Variants in CDKN3 observed in about 807,000 individuals in gnomAD.
CDKN3 encodes cyclin dependent kinase inhibitor 3.
Under a neutral mutation model 36.1 loss-of-function variants are expected in CDKN3, and 19 were observed. The observed-to-expected ratio is 0.53, with a 90% confidence interval of 0.37 to 0.77. The LOEUF is 0.77. Among genes scored for constraint, CDKN3 ranks in the 30% least tolerant of loss-of-function variants. The probability of loss-of-function intolerance (pLI) is 0.00; values close to 1 mark genes in which losing one functional copy is unlikely to be tolerated. For synonymous variants in CDKN3, 71 were observed against 85.3 expected (o/e 0.83, Z 0.92); for missense variants, 188 against 248.6 (o/e 0.76, Z 1.64).
intron 3 of CDKN3, among the ~76,000 whole-genome samples, chr14:54,402,363 T>TA (rs2029988586): frequency 5.3e-5 from 8 of 152,092 alleles, no homozygotes; most frequent in Admixed American, 3.9e-4. Flanking sequence ...TCTTTTTTTA[T>TA]TATACTTTAC....
At chr14:54,401,375 A>C (rs2029934307) in intron 2 of CDKN3, 149 bp from the exon 3 acceptor site, 1 of 558,222 alleles carries the variant, frequency 1.8e-6, no homozygotes, top group Non-Finnish European at 3.2e-6. Context: ...CAACATATTG[A>C]TACTTAACTG....
At chr14:54,408,648 T>G in intron 3 of CDKN3, 97 bp from the exon 4 acceptor site, 2 of 1,250,148 alleles carry the variant, frequency 1.6e-6, no homozygotes, top group Non-Finnish European at 2.2e-6. Flanking sequence ...AATGATTACG[T>G]GAAATGACTT....
rs1162007262 is a variant in CDKN3, at chr14:54,397,020, CG to C, written c.-47del. ...CTCGGCCGGGGCACCGGTGAGTCGC[CG>C]GCGCTGCAGAGGGAGGCGGCACTGG... On this transcript the variant is annotated 5_prime_UTR_variant, in exon 1 of 8. Transcript: ENST00000335183. 3 of 1,449,942 alleles carry C rather than the reference CG, an allele frequency of 2.1e-6. No individual in the cohort carries two copies. The African/African-American group carries it at 4.4e-5, about 21-fold the overall frequency. The allele number at this position is 1,449,942 out of a possible 1,614,324, so 89.8% of individuals were successfully genotyped here.
In CDKN3 at chr14:54,408,795, T is replaced by C; in HGVS notation, c.193+6T>C. On this transcript the variant is annotated splice_donor_region_variant and intron_variant, in intron 4 of 7. Transcript: ENST00000335183. ...AAATGTCCAAAAAGATACAGGTAGG[T>C]ATAATATCACGCAACCACACTCATG... The C allele has an allele frequency of 6.4e-7, 1 of 1,573,826 alleles. No homozygotes were observed. Among genetic ancestry groups the C allele is most frequent in the Non-Finnish European group, 8.6e-7 (1 of 1,165,712 alleles).
chr14:54,401,564 T>C lies in CDKN3; in HGVS notation c.133T>C (p.Leu45=). The C allele has an allele frequency of 6.2e-7, 1 of 1,609,408 alleles. No individual in the cohort carries two copies. Among genetic ancestry groups the C allele is most frequent in the South Asian group, 1.1e-5 (1 of 90,416 alleles). The change falls in exon 3 of 8, where the codon TTA becomes CTA. Residue 45 remains leucine, a synonymous_variant. Transcript: ENST00000335183. The part of the protein sequence containing the change: ...SRVNCSQFLG[L]CALPGCKFKD... Reference sequence around the variant, plus strand: ...AGTGAATTGTTCTCAGTTTCTCGGTTTATGTGCTCTTCCAGGTGGGTAACA... The same window carrying C: ...AGTGAATTGTTCTCAGTTTCTCGGTCTATGTGCTCTTCCAGGTGGGTAACA...
At chr14:54,409,931 C>G (rs751364789) in intron 4 of CDKN3, among the ~76,000 whole-genome samples, 1 of 151,538 alleles carries the variant, frequency 6.6e-6, no homozygotes, top group Non-Finnish European at 1.5e-5. Context: ...CAAAAAAAGA[C>G]TTAAAGACAG....
intron 3 of CDKN3, 75 bp downstream of exon 3, chr14:54,401,654 G>C (rs1490195449): frequency 6.6e-6 from 7 of 1,064,828 alleles, no homozygotes; most frequent in African/African-American, 1.6e-5. Flanking sequence ...GTAGCTTTTG[G>C]GGGGACAGGT....
intron 7 of CDKN3, chr14:54,418,450 G>A (rs1566711708): frequency 1.7e-6 from 1 of 585,100 alleles, no homozygotes. Flanking sequence ...AGATAACTGG[G>A]GACATCTTCC....
At chr14:54,405,580 T>C (rs1444142362) in intron 3 of CDKN3, among the ~76,000 whole-genome samples, 1 of 152,244 alleles carries the variant, frequency 6.6e-6, no homozygotes, top group Non-Finnish European at 1.5e-5. Context: ...ATTGATCCCT[T>C]TACCATTATG....
At chr14:54,401,501 TG>T in intron 2 of CDKN3, 22 bp from the exon 3 acceptor site, 1 of 1,580,236 alleles carries the variant, frequency 6.3e-7, no homozygotes, top group Non-Finnish European at 8.7e-7. Context: ...TAACTAAACA[TG>T]AAAAATTTTT....
chr14:54,414,372 A>G (rs1021397838), intron 5 of CDKN3, among the ~76,000 whole-genome samples: 2 of 152,152 alleles, frequency 1.3e-5, no homozygotes, highest in African/African-American at 4.8e-5. Context: ...GAGAGGCAGC[A>G]CACAGGAAAA....
intron 4 of CDKN3, among the ~76,000 whole-genome samples, chr14:54,409,170 A>G (rs1302071012): frequency 2.0e-5 from 3 of 152,140 alleles, no homozygotes; most frequent in African/African-American, 7.2e-5. Flanking sequence ...GGGAACTCCA[A>G]GTTAGCAGTG....
intron 2 of CDKN3, among the ~76,000 whole-genome samples, chr14:54,400,627 TAAG>T (rs2029906896): frequency 6.6e-6 from 1 of 152,224 alleles, no homozygotes; most frequent in Admixed American, 6.5e-5. Flanking sequence ...TCTCTCTTCT[TAAG>T]AAAGCACTAT....
At chr14:54,408,529 C>G (rs536439100) in intron 3 of CDKN3, 1 of 507,260 alleles carries the variant, frequency 2.0e-6, no homozygotes, top group African/African-American at 2.0e-5. Context: ...GTACTTGTTA[C>G]AGAAGAAACA....
chr14:54,397,327 C>T (rs4251596), intron 1 of CDKN3, among the ~76,000 whole-genome samples: 467 of 152,384 alleles, frequency 3.1e-3, no homozygotes, highest in South Asian at 5.0e-3. Context: ...TCACCTGTCC[C>T]CTGCGGGGTC....
In CDKN3 at chr14:54,417,963, G is replaced by C; in HGVS notation, c.552+12G>C. 6.7e-7 allele frequency: 1 copy of C among 1,481,836 alleles called. No homozygotes were observed. The highest frequency in any genetic ancestry group is 9.3e-7 in the Non-Finnish European group (1 of 1,075,984). The allele number at this position is 1,481,836 out of a possible 1,614,324, so 91.8% of individuals were successfully genotyped here. ...TACAGACCATCAAGGTGAGGAGGTG[G>C]GCGGTGCTTGCTTGGTTGTGGTTGG... On this transcript the variant is annotated intron_variant, in intron 7 of 7. Coordinates refer to ENST00000335183, the MANE Select transcript of CDKN3 (RefSeq NM_005192.4).
chr14:54,413,357 T>G (rs2030424417), intron 5 of CDKN3, among the ~76,000 whole-genome samples: 1 of 148,688 alleles, frequency 6.7e-6, no homozygotes, highest in Non-Finnish European at 1.5e-5. Flanking sequence ...TTTGAGATCT[T>G]TTTTTTTTTT....
At position 54,420,179 on chromosome 14, in the gene CDKN3, A is replaced by T; in HGVS notation, c.*101A>T. ...ACCAGTGTTATCAACTTGAATGTAA[A>T]TGTACATGTGCAGATATTCCTAAAG... is the stretch of plus-strand genomic sequence containing the variant. On this transcript the variant is annotated 3_prime_UTR_variant, in exon 8 of 8. Transcript: ENST00000335183. 1.5e-6 allele frequency: 1 copy of T among 656,046 alleles called. No individual in the cohort carries two copies. The highest frequency in any genetic ancestry group is 2.7e-6 in the Non-Finnish European group (1 of 373,076). The allele number at this position is 656,046 out of a possible 1,614,324, so 40.6% of individuals were successfully genotyped here.
At chr14:54,400,033 T>C in intron 2 of CDKN3, 57 bp downstream of exon 2, 3 of 832,776 alleles carry the variant, frequency 3.6e-6, no homozygotes, top group East Asian at 2.4e-5. Context: ...ATCATAAATG[T>C]AAATTTAGTT....
Sources: allele counts gnomAD v4.1 joint callset (sites outside exome capture counted in the v4.1 genomes callset), GRCh38; gene constraint gnomAD v4.1.1; transcripts MANE v1.5; gene names NCBI Gene and HGNC (gene_info 2026-07-23, HGNC 2026-07-21).